Variants in TMSB15B observed in about 807,000 individuals in gnomAD.
The protein encoded by TMSB15B is thymosin beta-15B.
intron 1 of TMSB15B, among the ~76,000 whole-genome samples, chrX:103,939,423 T>A (rs2075006799): frequency 9.1e-6 from 1 of 109,513 alleles, no homozygotes; most frequent in Non-Finnish European, 1.9e-5. Flanking sequence ...ATCTCTGATA[T>A]CCTTTCTTCC....
Position 103,928,865 on chromosome X carries a change from A to C in TMSB15B, c.-721+9573A>C, listed in dbSNP as rs1210773000. 3 of 1,202,887 alleles carry C rather than the reference A, an allele frequency of 2.5e-6. No homozygotes were observed. The African/African-American group carries it at 5.2e-5, about 21-fold the overall frequency. On this transcript the variant is annotated intron_variant, in intron 1 of 3. Transcript: ENST00000419165. ...CCAAGCCTGTGGGCCTCTGCCCAGG[A>C]TGTGTGGAACACTTGGGGCCAAAAG...
intron 1 of TMSB15B, chrX:103,928,306 C>A: frequency 8.3e-7 from 1 of 1,203,625 alleles, no homozygotes; most frequent in Non-Finnish European, 1.1e-6. Flanking sequence ...GACACTTTGG[C>A]ACGAAGGTCC....
intron 1 of TMSB15B, chrX:103,931,553 C>A (rs1283334575): frequency 8.9e-6 from 1 of 111,818 alleles, no homozygotes; most frequent in African/African-American, 3.3e-5. Flanking sequence ...TTTGCAAATC[C>A]AAATTCTTTT....
rs1351050229 is a variant in TMSB15B, at chrX:103,929,272, T to G, written c.-721+9980T>G. Among the ~76,000 whole-genome samples, 4 of 111,767 alleles carry G rather than the reference T, an allele frequency of 3.6e-5. No individual in the cohort carries two copies. The Admixed American group carries it at 3.8e-4, about 11-fold the overall frequency. On this transcript the variant is annotated intron_variant, in intron 1 of 3. Coordinates refer to the TMSB15B transcript ENST00000419165. ...GCCTCAGAGCCAGGAGGCCTTTAAA[T>G]AACGTGTAACCCAGATTAAGTGTCA...
At chrX:103,951,722 G>T (rs1232564859) in intron 1 of TMSB15B, among the ~76,000 whole-genome samples, 1 of 111,141 alleles carries the variant, frequency 9.0e-6, no homozygotes, top group African/African-American at 3.3e-5. Context: ...ATATGTAGAC[G>T]AGTGGTTGTA....
chrX:103,949,295 T>C (rs782073730), intron 1 of TMSB15B, among the ~76,000 whole-genome samples: 2 of 112,011 alleles, frequency 1.8e-5, no homozygotes, highest in African/African-American at 3.2e-5. Context: ...CAGAGAAATG[T>C]CATGATTTGA....
chrX:103,936,670 C>T (rs781982182), intron 1 of TMSB15B, among the ~76,000 whole-genome samples: 53 of 112,070 alleles, frequency 4.7e-4, no homozygotes, highest in Non-Finnish European at 7.5e-5. Context: ...CTGGCCAGAA[C>T]TTCCAATACT....
At chrX:103,936,115 G>A (rs2074997191) in intron 1 of TMSB15B, among the ~76,000 whole-genome samples, 1 of 110,952 alleles carries the variant, frequency 9.0e-6, no homozygotes, top group African/African-American at 3.3e-5. Context: ...CAAAGTGCTG[G>A]GATTACAGGC....
intron 1 of TMSB15B, among the ~76,000 whole-genome samples, chrX:103,926,726 T>C (rs189108653): frequency 4.5e-5 from 5 of 110,575 alleles, no homozygotes; most frequent in East Asian, 5.7e-4. Flanking sequence ...TGGTCCCCCA[T>C]TGGCCTGCTA....
intron 1 of TMSB15B, chrX:103,928,017 C>A (rs1287339813): frequency 1.8e-6 from 1 of 567,967 alleles, no homozygotes; most frequent in South Asian, 4.6e-5. Flanking sequence ...GAATGCTTGC[C>A]AACGGAATTA....
In TMSB15B at chrX:103,928,474, G is replaced by T. The variant is rs1556319321; in HGVS notation, c.-721+9182G>T. 3 of 1,201,631 alleles carry T rather than the reference G, an allele frequency of 2.5e-6. No individual in the cohort carries two copies. In the African/African-American group the frequency reaches 5.3e-5, roughly 21 times the overall value. ...GGCTGCAGGGATCATGTCTGGCCTG[G>T]TGGAGGCTGTGGCACTCAGCCCCTT... On this transcript the variant is annotated intron_variant, in intron 1 of 3. Transcript: ENST00000419165.
At chrX:103,940,131 T>G (rs1318914238) in intron 1 of TMSB15B, among the ~76,000 whole-genome samples, 1 of 111,879 alleles carries the variant, frequency 8.9e-6, no homozygotes, top group Non-Finnish European at 1.9e-5. Context: ...GAGGCACGAG[T>G]GTCAGGGACC....
At chrX:103,954,337 G>T (rs1264290671) in intron 1 of TMSB15B, among the ~76,000 whole-genome samples, 1 of 112,058 alleles carries the variant, frequency 8.9e-6, no homozygotes, top group Non-Finnish European at 1.9e-5. Context: ...CAGGGCCCCA[G>T]CCTGGCCACA....
At chrX:103,926,787 C>T (rs1181513947) in intron 1 of TMSB15B, among the ~76,000 whole-genome samples, 2 of 109,871 alleles carry the variant, frequency 1.8e-5, no homozygotes, top group African/African-American at 3.3e-5. Flanking sequence ...GCCCAGGGTT[C>T]GGTGGGAAAC....
At chrX:103,939,874 A>G (rs2075008076) in intron 1 of TMSB15B, among the ~76,000 whole-genome samples, 1 of 110,982 alleles carries the variant, frequency 9.0e-6, no homozygotes, top group African/African-American at 3.3e-5. Flanking sequence ...TGTTGATGGT[A>G]TTGCTTTCTG....
intron 1 of TMSB15B, among the ~76,000 whole-genome samples, chrX:103,953,439 C>T (rs1336854661): frequency 8.9e-6 from 1 of 112,672 alleles, no homozygotes; most frequent in African/African-American, 3.2e-5. Context: ...CAGCCATGGT[C>T]TGTGGGCCCC....
intron 1 of TMSB15B, among the ~76,000 whole-genome samples, chrX:103,945,728 G>T (rs1490018716): frequency 8.9e-6 from 1 of 112,040 alleles, no homozygotes; most frequent in African/African-American, 3.2e-5. Context: ...CATGGTTTCT[G>T]CTCTCAAGAG....
intron 1 of TMSB15B, among the ~76,000 whole-genome samples, chrX:103,935,018 T>C (rs2074993727): frequency 8.9e-6 from 1 of 112,359 alleles, no homozygotes; most frequent in Admixed American, 9.4e-5. Context: ...TCTTGACTTT[T>C]TAATGTTCGC....
chrX:103,922,049 A>C (rs1328565934), intron 1 of TMSB15B, among the ~76,000 whole-genome samples: 1 of 109,724 alleles, frequency 9.1e-6, no homozygotes, highest in Non-Finnish European at 1.9e-5. Context: ...TTTAGTTGTT[A>C]TCTTGCCTTT....
Sources: gnomAD v4.1 joint callset for allele counts (sites outside exome capture counted in the v4.1 genomes callset) on GRCh38, gnomAD v4.1.1 for gene constraint, MANE v1.5 for transcripts, NCBI Gene and HGNC (gene_info 2026-07-23, HGNC 2026-07-21) for gene names.